The following RBFOX1 variants were observed in gnomAD, a reference collection of about 807,000 sequenced individuals.
RBFOX1 encodes RNA binding fox-1 homolog 1, also known as RNA binding protein fox-1 homolog 1.
RBFOX1 carries 8 observed loss-of-function variants against 57.7 expected under a neutral mutation model. That is an observed-to-expected ratio of 0.14 (90% CI 0.08 to 0.25). RBFOX1 has a LOEUF of 0.25. Among genes scored for constraint, RBFOX1 ranks in the 10% least tolerant of loss-of-function variants. The pLI, the probability that RBFOX1 is intolerant of heterozygous loss-of-function variation, is 1.00. For synonymous variants in RBFOX1, 326 were observed against 222.4 expected, an observed-to-expected ratio of 1.47 and a Z score of -4.15; for missense variants, 611 against 548.5, an observed-to-expected ratio of 1.11 and a Z score of -1.14.
chr16:6,865,160 T>G (rs7203099), intron 3 of RBFOX1, among the ~76,000 whole-genome samples: 118,089 of 151,518 alleles, frequency 0.78, 47,029 homozygotes, highest in African/African-American at 0.94. Context: ...CCACCACCAC[T>G]CCTGGGTAAT....
intron 4 of RBFOX1, among the ~76,000 whole-genome samples, chr16:7,229,412 C>T (rs1212012219): frequency 2.6e-5 from 4 of 151,982 alleles, no homozygotes; most frequent in Non-Finnish European, 4.4e-5. Flanking sequence ...ACAGAAAGGG[C>T]CTAGTCACAT....
At chr16:6,140,187 C>CTTTTTTTTTTT (rs5815288) in intron 1 of RBFOX1, among the ~76,000 whole-genome samples, 2 of 137,294 alleles carry the variant, frequency 1.5e-5, no homozygotes, top group Non-Finnish European at 1.6e-5. Context: ...CTGGAAATGA[C>CTTTTTTTTTTT]TTTTTTTTTT....
At chr16:6,949,958 G>GGTT (rs2080360699) in intron 3 of RBFOX1, among the ~76,000 whole-genome samples, 3 of 149,794 alleles carry the variant, frequency 2.0e-5, no homozygotes, top group Non-Finnish European at 3.0e-5. Context: ...TGTTGTTGTT[G>GGTT]TTTTTTGGTA....
intron 1 of RBFOX1, among the ~76,000 whole-genome samples, chr16:5,367,607 C>A (rs767775780): frequency 4.6e-5 from 7 of 152,172 alleles, no homozygotes; most frequent in Non-Finnish European, 8.8e-5. Flanking sequence ...TGGTACTGGG[C>A]GTAACAGCAG....
chr16:6,642,350 G>A (rs1410176750), intron 2 of RBFOX1, among the ~76,000 whole-genome samples: 1 of 152,120 alleles, frequency 6.6e-6, no homozygotes, highest in East Asian at 1.9e-4. Context: ...AATTAAAAGC[G>A]CTCTCATTAA....
Position 5,702,813 on chromosome 16 carries a change from C to A in RBFOX1, c.318+103852C>A, listed in dbSNP as rs184901025. The stretch of plus-strand genomic sequence containing the variant: ...GATCTTTGCTGTGTGTGTTGTGGAA[C>A]TAAGTTTAGTAAATGCTCATGTTTT... On this transcript the variant is annotated intron_variant, in intron 3 of 19. Coordinates refer to the RBFOX1 transcript ENST00000641259. 3.9e-5 allele frequency among the ~76,000 whole-genome samples: 6 copies of A among 152,224 alleles called. No homozygotes were observed. In the East Asian group the frequency reaches 9.7e-4, roughly 25 times the overall value.
chr16:5,291,995 C>CT (rs1204395537), intron 1 of RBFOX1, among the ~76,000 whole-genome samples: 4,335 of 145,704 alleles, frequency 0.03, 114 homozygotes, highest in African/African-American at 0.091. Flanking sequence ...TTTGCAGTTA[C>CT]TTTTTTTTTT....
In RBFOX1 at chr16:5,438,465, A is replaced by G. The variant is rs190586855; in HGVS notation, c.220-28751A>G. 2.0e-5 allele frequency among the ~76,000 whole-genome samples: 3 copies of G among 152,288 alleles called. No homozygotes were observed. The East Asian group carries it at 5.8e-4, about 29-fold the overall frequency. ...CTAACACTTCAAGTGCTGTCTTGACATCTTTGAGCCTGAAAGGGCCCAGCA... is the reference window on the plus strand; with the variant it reads ...CTAACACTTCAAGTGCTGTCTTGACGTCTTTGAGCCTGAAAGGGCCCAGCA... On this transcript the variant is annotated intron_variant, in intron 1 of 2. Transcript: ENST00000585867.
chr16:5,549,489 G>A (rs1373984181), intron 2 of RBFOX1, among the ~76,000 whole-genome samples: 2 of 152,186 alleles, frequency 1.3e-5, no homozygotes, highest in Non-Finnish European at 2.9e-5. Context: ...AAATGACATA[G>A]CGAGTAAGAT....
chr16:6,824,660 G>A (rs1257104878), intron 3 of RBFOX1, among the ~76,000 whole-genome samples: 1 of 151,962 alleles, frequency 6.6e-6, no homozygotes, highest in Non-Finnish European at 1.5e-5. Context: ...AGAGGTTCTT[G>A]GATTCATCAC....
chr16:6,630,778 G>T (rs146769131), intron 2 of RBFOX1, among the ~76,000 whole-genome samples: 1 of 152,254 alleles, frequency 6.6e-6, no homozygotes, highest in African/African-American at 2.4e-5. Context: ...TGAAATTGTA[G>T]TTGACCTATG....
intron 1 of RBFOX1, among the ~76,000 whole-genome samples, chr16:5,386,265 GTAGA>G (rs1405320278): frequency 6.6e-6 from 1 of 152,034 alleles, no homozygotes; most frequent in Admixed American, 6.5e-5. Context: ...CTGGGGGTGG[GTAGA>G]TAGAGCTGGG....
At chr16:5,505,270 G>C (rs1032769314) in intron 2 of RBFOX1, among the ~76,000 whole-genome samples, 2 of 152,156 alleles carry the variant, frequency 1.3e-5, no homozygotes, top group Non-Finnish European at 1.5e-5. Flanking sequence ...GGGGGCGTTG[G>C]GATAACCCTG....
At chr16:6,644,079 TCA>T (rs2098513908) in intron 2 of RBFOX1, among the ~76,000 whole-genome samples, 1 of 152,130 alleles carries the variant, frequency 6.6e-6, no homozygotes, top group Non-Finnish European at 1.5e-5. Context: ...TGAGCCAAGA[TCA>T]CCCTACTGCA....
chr16:7,377,046 T>C (rs776301752), intron 4 of RBFOX1, among the ~76,000 whole-genome samples: 31 of 152,246 alleles, frequency 2.0e-4, no homozygotes, highest in Admixed American at 1.3e-4. Flanking sequence ...TCAAAACTGA[T>C]GGAAGGTATA....
At chr16:6,272,443 T>A (rs1000796757) in intron 1 of RBFOX1, among the ~76,000 whole-genome samples, 4 of 152,220 alleles carry the variant, frequency 2.6e-5, no homozygotes, top group African/African-American at 9.6e-5. Flanking sequence ...CAAAACTTTT[T>A]AAAAATTTAA....
At chr16:7,316,179 G>C (rs1015487209) in intron 4 of RBFOX1, among the ~76,000 whole-genome samples, 2 of 152,208 alleles carry the variant, frequency 1.3e-5, no homozygotes, top group African/African-American at 2.4e-5. Flanking sequence ...TTGTGTATCA[G>C]AGAAAGATCA....
At chr16:7,379,134 G>C (rs1157387113) in intron 4 of RBFOX1, among the ~76,000 whole-genome samples, 2 of 152,134 alleles carry the variant, frequency 1.3e-5, no homozygotes, top group South Asian at 4.1e-4. Flanking sequence ...GTCATCACTT[G>C]TTGTTAATAG....
At chr16:7,368,247 A>G (rs937623477) in intron 4 of RBFOX1, among the ~76,000 whole-genome samples, 1 of 150,996 alleles carries the variant, frequency 6.6e-6, no homozygotes, top group African/African-American at 2.4e-5. Context: ...ATCCTGGGCC[A>G]CAGAGTGAGA....
Sources: allele counts gnomAD v4.1 joint callset (sites outside exome capture counted in the v4.1 genomes callset), GRCh38; gene constraint gnomAD v4.1.1; transcripts MANE v1.5; gene names NCBI Gene and HGNC (gene_info 2026-07-23, HGNC 2026-07-21).